CLNK: variants seen among roughly 807,000 people sequenced by gnomAD.
CLNK encodes the protein cytokine-dependent hematopoietic cell linker.
A neutral mutation model predicts 68.6 loss-of-function variants in CLNK; 74 were observed. That is an observed-to-expected ratio of 1.08 (90% CI 0.89 to 1.31). The LOEUF (loss-of-function observed/expected upper bound fraction) is 1.31. Ranked by LOEUF, CLNK falls within the 50% of genes most tolerant of loss-of-function variation. The pLI, the probability that CLNK is intolerant of heterozygous loss-of-function variation, is 0.00. For missense variants in CLNK, 553 were observed against 515.3 expected, an observed-to-expected ratio of 1.07 and a Z score of -0.71; for synonymous variants, 198 against 172.2, an observed-to-expected ratio of 1.15 and a Z score of -1.17.
chr4:10,661,227 C>T (rs544623971), intron 2 of CLNK, among the ~76,000 whole-genome samples: 13 of 152,302 alleles, frequency 8.5e-5, no homozygotes, highest in Middle Eastern at 3.4e-3. Flanking sequence ...TTCATACACA[C>T]GAGAGAAATA....
chr4:10,499,729 G>A (rs1284420779), intron 18 of CLNK, among the ~76,000 whole-genome samples: 1 of 152,164 alleles, frequency 6.6e-6, no homozygotes, highest in Non-Finnish European at 1.5e-5. Context: ...AGTTCTCGAG[G>A]CTGAAGTCCC....
At chr4:10,525,087 T>C (rs1325699092) in intron 14 of CLNK, among the ~76,000 whole-genome samples, 1 of 152,172 alleles carries the variant, frequency 6.6e-6, no homozygotes, top group Non-Finnish European at 1.5e-5. Context: ...CTTTTCTTTA[T>C]AGAGTGTCAC....
At chr4:10,627,643 C>A (rs527631744) in intron 2 of CLNK, among the ~76,000 whole-genome samples, 1 of 152,078 alleles carries the variant, frequency 6.6e-6, no homozygotes, top group East Asian at 1.9e-4. Flanking sequence ...AGAGACAGAG[C>A]GTCTCTCTGT....
intron 1 of CLNK, among the ~76,000 whole-genome samples, chr4:10,681,035 C>A (rs1157967323): frequency 3.3e-5 from 5 of 152,066 alleles, no homozygotes; most frequent in Non-Finnish European, 7.4e-5. Flanking sequence ...GGCAGACTGG[C>A]TTTCCAGGTG....
At chr4:10,543,915 A>G (rs1219812759) in intron 8 of CLNK, among the ~76,000 whole-genome samples, 1 of 152,218 alleles carries the variant, frequency 6.6e-6, no homozygotes, top group Non-Finnish European at 1.5e-5. Context: ...AACAGCAGCA[A>G]TCTGGTTAAC....
intron 2 of CLNK, among the ~76,000 whole-genome samples, chr4:10,647,978 T>G (rs1723578525): frequency 6.6e-6 from 1 of 152,182 alleles, no homozygotes; most frequent in Admixed American, 6.6e-5. Flanking sequence ...TCAAATCCAC[T>G]GATTTCACTG....
At chr4:10,548,440 C>T (rs1195334633) in intron 8 of CLNK, among the ~76,000 whole-genome samples, 1 of 152,134 alleles carries the variant, frequency 6.6e-6, no homozygotes, top group Admixed American at 6.5e-5. Flanking sequence ...ATATTTTCTC[C>T]CATTTTGTAG....
At chr4:10,495,700 C>T (rs1716775545) in intron 18 of CLNK, among the ~76,000 whole-genome samples, 1 of 152,038 alleles carries the variant, frequency 6.6e-6, no homozygotes, top group Non-Finnish European at 1.5e-5. Flanking sequence ...GAGGTTATCC[C>T]AGTAGGCCCT....
chr4:10,513,347 C>A, intron 16 of CLNK, 117 bp downstream of exon 16: 3 of 905,844 alleles, frequency 3.3e-6, no homozygotes, highest in Admixed American at 3.3e-5. Flanking sequence ...AACATATAGC[C>A]AGAAGGGAAA....
chr4:10,528,997 T>A (rs983034268), intron 12 of CLNK, among the ~76,000 whole-genome samples: 1 of 152,206 alleles, frequency 6.6e-6, no homozygotes, highest in Non-Finnish European at 1.5e-5. Flanking sequence ...TTGGGCCCTA[T>A]TCTACTCTAC....
At chr4:10,597,075 T>C (rs1018775123) in intron 3 of CLNK, among the ~76,000 whole-genome samples, 1 of 152,258 alleles carries the variant, frequency 6.6e-6, no homozygotes, top group African/African-American at 2.4e-5. Flanking sequence ...CTTACCAGCA[T>C]TCATTCACTC....
chr4:10,708,713 G>C, the CLNK span, among the ~76,000 whole-genome samples: 1 of 152,178 alleles, frequency 6.6e-6, no homozygotes, highest in Admixed American at 6.6e-5. Flanking sequence ...TAACCACTCT[G>C]GTGGTAGGGT....
At chr4:10,538,098 C>G (rs1577115021) in intron 11 of CLNK, among the ~76,000 whole-genome samples, 1 of 152,006 alleles carries the variant, frequency 6.6e-6, no homozygotes, top group South Asian at 2.1e-4. Context: ...ACCTCATCAT[C>G]TTCAATATTT....
At chr4:10,661,780 T>C (rs186330412) in intron 2 of CLNK, among the ~76,000 whole-genome samples, 96 of 152,344 alleles carry the variant, frequency 6.3e-4, no homozygotes, top group African/African-American at 2.2e-3. Flanking sequence ...TTGATGTCAA[T>C]ACAAAGAGGA....
chr4:10,520,946 T>C (rs1718035198), intron 14 of CLNK, 115 bp from the exon 15 acceptor site: 2 of 735,684 alleles, frequency 2.7e-6, no homozygotes, highest in East Asian at 5.4e-5. Flanking sequence ...TAAAGCACTT[T>C]ATATTTTACT....
chr4:10,660,449 T>A (rs184589296), intron 2 of CLNK, among the ~76,000 whole-genome samples: 66 of 152,364 alleles, frequency 4.3e-4, no homozygotes, highest in Non-Finnish European at 8.4e-4. Flanking sequence ...CGTTTTTCAA[T>A]GATTCATTTA....
At chr4:10,639,188 AG>A (rs1456409746) in intron 2 of CLNK, among the ~76,000 whole-genome samples, 1 of 152,232 alleles carries the variant, frequency 6.6e-6, no homozygotes, top group Non-Finnish European at 1.5e-5. Context: ...GTCAAGTTTC[AG>A]GCCCTTTCTT....
intron 18 of CLNK, among the ~76,000 whole-genome samples, chr4:10,495,981 C>T (rs1390165826): frequency 6.6e-6 from 1 of 152,146 alleles, no homozygotes; most frequent in East Asian, 1.9e-4. Context: ...GGAGTGTGGC[C>T]CTGCTGATAC....
At chr4:10,720,752 G>T in the CLNK span, among the ~76,000 whole-genome samples, 1 of 150,900 alleles carries the variant, frequency 6.6e-6, no homozygotes, top group African/African-American at 2.4e-5. Context: ...TTGCTGATGG[G>T]AATGTAAAAT....
Sources: allele counts gnomAD v4.1 joint callset (sites outside exome capture counted in the v4.1 genomes callset), GRCh38; gene constraint gnomAD v4.1.1; transcripts MANE v1.5; gene names NCBI Gene and HGNC (gene_info 2026-07-23, HGNC 2026-07-21).